The following PDE11A variants were observed in gnomAD, a reference collection of about 807,000 sequenced individuals.
PDE11A encodes phosphodiesterase 11A, also known as dual 3',5'-cyclic-AMP and -GMP phosphodiesterase 11A.
A neutral mutation model predicts 100.5 loss-of-function variants in PDE11A; 100 were observed. The observed-to-expected ratio is 1.00, with a 90% CI of 0.85 to 1.18. PDE11A has a LOEUF of 1.18. PDE11A is among the 50% of genes most tolerant of loss of function. The probability of loss-of-function intolerance (pLI) is 0.00; values close to 1 mark genes in which losing one functional copy is unlikely to be tolerated. For synonymous variants in PDE11A, 381 were observed against 420.8 expected (o/e 0.91, Z 1.16); for missense variants, 1,141 against 1,152.6 (o/e 0.99, Z 0.15).
chr2:177,950,989 G>A (rs1025185793), intron 2 of PDE11A, among the ~76,000 whole-genome samples: 1 of 152,148 alleles, frequency 6.6e-6, no homozygotes, highest in Admixed American at 6.5e-5. Flanking sequence ...TGTTTTTACA[G>A]ATGAAGAAAC....
chr2:177,755,611 G>C (rs1040948413), intron 10 of PDE11A, among the ~76,000 whole-genome samples: 3 of 152,160 alleles, frequency 2.0e-5, no homozygotes, highest in Non-Finnish European at 2.9e-5. Flanking sequence ...ACTTTCCTAA[G>C]CACACACTCC....
chr2:177,914,156 A>G (rs568567168), intron 2 of PDE11A, among the ~76,000 whole-genome samples: 4 of 152,132 alleles, frequency 2.6e-5, no homozygotes, highest in Non-Finnish European at 5.9e-5. Context: ...GGTTGTCTGT[A>G]TTTTAAAATA....
At chr2:177,767,295 A>C (rs981368182) in intron 10 of PDE11A, among the ~76,000 whole-genome samples, 1 of 152,138 alleles carries the variant, frequency 6.6e-6, no homozygotes, top group African/African-American at 2.4e-5. Context: ...GTGCCACTGC[A>C]TTCCAGCCTG....
chr2:177,840,522 G>T, intron 5 of PDE11A, 139 bp from the exon 6 acceptor site: 2 of 748,956 alleles, frequency 2.7e-6, no homozygotes, highest in South Asian at 3.0e-5. Context: ...CAGAACAATA[G>T]CAAGGTAATT....
At chr2:177,820,345 T>C (rs376700472) in intron 6 of PDE11A, 50 bp from the exon 7 acceptor site, 43 of 1,032,894 alleles carry the variant, frequency 4.2e-5, no homozygotes, top group Non-Finnish European at 5.6e-5. Context: ...ACTATTCATT[T>C]TTGATTTACA....
At chr2:178,020,922 TTGGTGTGTGTG>T (rs1398077078) in intron 1 of PDE11A, among the ~76,000 whole-genome samples, 2 of 137,606 alleles carry the variant, frequency 1.5e-5, no homozygotes, top group African/African-American at 5.3e-5. Context: ...TTTTTTTGTC[TTGGTGTGTGTG>T]TGTGTGTGTG....
intron 5 of PDE11A, among the ~76,000 whole-genome samples, chr2:177,843,868 T>A (rs1218273511): frequency 1.3e-5 from 2 of 152,196 alleles, no homozygotes; most frequent in African/African-American, 2.4e-5. Context: ...ACTGTACCAA[T>A]CACGAGTGCT....
At chr2:178,042,925 T>C (rs565897187) in intron 1 of PDE11A, among the ~76,000 whole-genome samples, 15 of 152,232 alleles carry the variant, frequency 9.9e-5, no homozygotes, top group African/African-American at 2.6e-4. Context: ...TTAGAGAGAA[T>C]GGTGGGAGGC....
chr2:177,884,945 T>A (rs1254675208), intron 4 of PDE11A, among the ~76,000 whole-genome samples: 14 of 152,150 alleles, frequency 9.2e-5, no homozygotes, highest in Admixed American at 7.2e-4. Flanking sequence ...CTTGAGTTAC[T>A]TACTAAATGG....
intron 5 of PDE11A, among the ~76,000 whole-genome samples, chr2:177,844,832 T>G (rs1315349506): frequency 6.6e-6 from 1 of 151,880 alleles, no homozygotes; most frequent in African/African-American, 2.4e-5. Context: ...ACAGCACATG[T>G]TTCAGAGAGC....
At chr2:177,869,959 C>G (rs1430576869) in intron 5 of PDE11A, among the ~76,000 whole-genome samples, 1 of 152,236 alleles carries the variant, frequency 6.6e-6, no homozygotes, top group East Asian at 1.9e-4. Flanking sequence ...AGTTTCCAAT[C>G]AGTTGAAAAT....
intron 9 of PDE11A, among the ~76,000 whole-genome samples, chr2:177,812,350 G>A (rs998109722): frequency 1.3e-5 from 2 of 151,936 alleles, no homozygotes; most frequent in Non-Finnish European, 2.9e-5. Context: ...TACTAAAATC[G>A]ACACTTTAAA....
At chr2:177,905,321 G>A in intron 2 of PDE11A, 134 bp from the exon 3 acceptor site, 1 of 588,464 alleles carries the variant, frequency 1.7e-6, no homozygotes, top group Non-Finnish European at 3.0e-6. Context: ...AATACAGAGA[G>A]TTGTTGATAC....
In PDE11A at chr2:177,818,069, A is replaced by G. The variant is rs2083073339; in HGVS notation, c.1577-144T>C. The stretch of plus-strand genomic sequence containing the variant: ...GGTCTCTCAAGTGCCTGCCGATTTC[A>G]TGAGAATAAATCTGAGGTGTAGGAC... On this transcript the variant is annotated intron_variant, in intron 7 of 19. Transcript: ENST00000286063. 4.5e-6 allele frequency: 3 copies of G among 661,274 alleles called. 1 individual carries two copies. The highest frequency in any genetic ancestry group is 5.5e-6 in the Non-Finnish European group (2 of 361,498). 41.0% of individuals were successfully genotyped at this position (661,274 alleles called of 1,614,324 possible).
chr2:177,769,293 C>A, intron 10 of PDE11A, 30 bp downstream of exon 10: 1 of 1,363,124 alleles, frequency 7.3e-7, no homozygotes. Context: ...TAACTGTATG[C>A]ACTAATAAGG....
At chr2:177,696,380 G>A (rs2081112611) in intron 15 of PDE11A, among the ~76,000 whole-genome samples, 1 of 152,176 alleles carries the variant, frequency 6.6e-6, no homozygotes, top group Non-Finnish European at 1.5e-5. Flanking sequence ...ACCTGCCAAG[G>A]ATCTAGAAAA....
Position 177,726,084 on chromosome 2 carries a change from AT to A in PDE11A, c.2043+1573del, listed in dbSNP as rs56661172. ...TAGGATATGGAAAAACAAAATGAAG[AT>A]TTTTTTTTTCCAAGCAATGGTTGTT... On this transcript the variant is annotated intron_variant, in intron 12 of 19. Transcript: ENST00000286063. Among the ~76,000 whole-genome samples, 16 of 151,150 alleles carry A rather than the reference AT, an allele frequency of 1.1e-4. 1 individual carries two copies. The highest frequency in any genetic ancestry group is 6.3e-4 in the South Asian group (3 of 4,774).
intron 6 of PDE11A, among the ~76,000 whole-genome samples, chr2:177,835,277 G>T (rs572179653): frequency 2.6e-5 from 4 of 152,278 alleles, no homozygotes; most frequent in Admixed American, 6.5e-5. Context: ...TCCTAGCTGG[G>T]TAACCATTCA....
intron 1 of PDE11A, among the ~76,000 whole-genome samples, chr2:178,022,884 C>T (rs77056518): frequency 0.065 from 9,845 of 152,198 alleles, 475 homozygotes; most frequent in Non-Finnish European, 0.1. Context: ...ACTCTTACCG[C>T]TTTGAGTATT....
Sources: allele counts gnomAD v4.1 joint callset (sites outside exome capture counted in the v4.1 genomes callset), GRCh38; gene constraint gnomAD v4.1.1; transcripts MANE v1.5; gene names NCBI Gene and HGNC (gene_info 2026-07-23, HGNC 2026-07-21).